EPHA4: variants seen among roughly 807,000 people sequenced by gnomAD.
EPHA4 encodes EPH receptor A4, also known as ephrin type-A receptor 4.
EPHA4 carries 19 observed loss-of-function variants against 108.3 expected under a neutral mutation model. The ratio of observed to expected loss-of-function variants is 0.18; its 90% CI spans 0.12 to 0.26. The LOEUF (loss-of-function observed/expected upper bound fraction) is 0.26, where lower values mean the gene tolerates loss of function less well. EPHA4 is among the 10% of genes least tolerant of loss of function. The pLI, the probability that EPHA4 is intolerant of heterozygous loss-of-function variation, is 1.00. For missense variants in EPHA4, 917 were observed against 1,254.0 expected (o/e 0.73, Z 4.06); for synonymous variants, 449 against 455.5 (o/e 0.99, Z 0.18).
At chr2:221,434,120 A>G in intron 14 of EPHA4, 22 bp downstream of exon 14, 1 of 1,599,098 alleles carries the variant, frequency 6.3e-7, no homozygotes, top group Non-Finnish European at 8.5e-7. Context: ...GAAAAAATAT[A>G]TTTCAGAACA....
chr2:221,571,111 T>C lies in EPHA4; in HGVS notation c.91+1047A>G, dbSNP rs1694821947. Among the ~76,000 whole-genome samples, 1 of 151,894 alleles carries C rather than the reference T, an allele frequency of 6.6e-6. No homozygotes were observed. On this transcript the variant is annotated intron_variant, in intron 1 of 17. Coordinates refer to ENST00000281821, the MANE Select transcript of EPHA4 (RefSeq NM_004438.5). The surrounding 1 kb of genome is among the most constrained non-coding windows in gnomAD (Gnocchi z 6.3). ...CTCCGCGTCCGCTTCCACGCAGGCA[T>C]TCGCGCACCTACATACACGCAGTTG...
At chr2:221,554,106 A>C (rs1226323431) in intron 3 of EPHA4, among the ~76,000 whole-genome samples, 1 of 152,210 alleles carries the variant, frequency 6.6e-6, no homozygotes, top group Non-Finnish European at 1.5e-5. Context: ...GAGAAACAAG[A>C]GCCAGATAAG....
intron 5 of EPHA4, among the ~76,000 whole-genome samples, chr2:221,468,516 G>A (rs554559782): frequency 1.3e-5 from 2 of 152,192 alleles, no homozygotes; most frequent in South Asian, 2.1e-4. Flanking sequence ...GCTGCTAATC[G>A]TCCTGCTGTG....
intron 3 of EPHA4, chr2:221,532,583 C>T (rs1244794502): frequency 1.3e-5 from 2 of 152,208 alleles, no homozygotes; most frequent in African/African-American, 2.4e-5. Flanking sequence ...TTAGTTCCTA[C>T]TTAAGGAACC....
chr2:221,490,052 G>C (rs1692094547), intron 4 of EPHA4, among the ~76,000 whole-genome samples: 1 of 151,480 alleles, frequency 6.6e-6, no homozygotes, highest in African/African-American at 2.4e-5. Context: ...AAGCTGAGGT[G>C]GGAGGATTGC....
chr2:221,473,855 C>T (rs911205088), intron 5 of EPHA4, among the ~76,000 whole-genome samples: 6 of 152,004 alleles, frequency 3.9e-5, no homozygotes, highest in African/African-American at 1.5e-4. Flanking sequence ...GGTTAGTGTT[C>T]GATGGAACAA....
At chr2:221,506,849 AT>A (rs1157773358) in intron 3 of EPHA4, among the ~76,000 whole-genome samples, 2 of 152,204 alleles carry the variant, frequency 1.3e-5, no homozygotes, top group Non-Finnish European at 2.9e-5. Context: ...AATTTTTACA[AT>A]TATTTTTTTA....
At chr2:221,473,588 T>C (rs1414800731) in intron 5 of EPHA4, among the ~76,000 whole-genome samples, 3 of 141,820 alleles carry the variant, frequency 2.1e-5, no homozygotes, top group Non-Finnish European at 4.6e-5. Flanking sequence ...TTTAAAGACA[T>C]CAGCAGGGGG....
chr2:221,539,461 G>C (rs896247794), intron 3 of EPHA4, among the ~76,000 whole-genome samples: 1 of 152,040 alleles, frequency 6.6e-6, no homozygotes, highest in Non-Finnish European at 1.5e-5. Flanking sequence ...GGAGAGAGAA[G>C]AAAAAAATGA....
chr2:221,484,378 G>T (rs1468261180), intron 4 of EPHA4, among the ~76,000 whole-genome samples: 1 of 152,062 alleles, frequency 6.6e-6, no homozygotes, highest in Non-Finnish European at 1.5e-5. Flanking sequence ...AGGTAAGCAG[G>T]ACTTCCCAAA....
chr2:221,525,832 G>C (rs940968552), intron 3 of EPHA4, among the ~76,000 whole-genome samples: 1 of 152,004 alleles, frequency 6.6e-6, no homozygotes, highest in African/African-American at 2.4e-5. Context: ...GATAGGAAAG[G>C]GTCTACCAAG....
chr2:221,570,314 C>T (rs1263540576), intron 1 of EPHA4, among the ~76,000 whole-genome samples: 2 of 32,976 alleles, frequency 6.1e-5, no homozygotes, highest in African/African-American at 2.6e-4. Context: ...CCAAGTTTTT[C>T]TCCCCCCCCC....
chr2:221,545,611 A>C (rs2680856), intron 3 of EPHA4, among the ~76,000 whole-genome samples: 90,019 of 152,068 alleles, frequency 0.59, 27,440 homozygotes, highest in African/African-American at 0.75. Flanking sequence ...CCTACCCCTT[A>C]AAAATTACCT....
intron 4 of EPHA4, among the ~76,000 whole-genome samples, chr2:221,494,850 C>A (rs1692256454): frequency 6.6e-6 from 1 of 151,844 alleles, no homozygotes; most frequent in Non-Finnish European, 1.5e-5. Flanking sequence ...AAGAGCTAGT[C>A]ATTCGTAGAG....
Position 221,437,140 on chromosome 2 carries a change from A to G in EPHA4, c.2075-18T>C. The G allele has an allele frequency of 6.3e-7, 1 of 1,594,692 alleles. No homozygotes were observed. The highest frequency in any genetic ancestry group is 1.1e-5 in the South Asian group (1 of 90,456). ...TGGTTTACCTAGAGTTTTCAGAAAG[A>G]AAAACACAAACCTTTGATGAGCGCT... On this transcript the variant is annotated intron_variant, in intron 11 of 17. Transcript: ENST00000281821.
intron 3 of EPHA4, among the ~76,000 whole-genome samples, chr2:221,554,020 T>C (rs1694235738): frequency 6.6e-6 from 1 of 152,196 alleles, no homozygotes; most frequent in Admixed American, 6.5e-5. Context: ...TTTTGAGCAA[T>C]TTGAGATCTG....
At chr2:221,435,816 T>A (rs1001793644) in intron 13 of EPHA4, among the ~76,000 whole-genome samples, 13 of 152,072 alleles carry the variant, frequency 8.5e-5, no homozygotes, top group Admixed American at 2.0e-4. Context: ...GTTTTATAAA[T>A]CCTGTATATA....
At position 221,568,614 on chromosome 2, in the gene EPHA4, G is replaced by A. The variant is rs527727782; in HGVS notation, c.159+104C>T. ...ACTTCATAGGCCACAGCGGAAATCT[G>A]ACCCCCTCACCACAATCAACAAGAA... On this transcript the variant is annotated intron_variant, in intron 2 of 17. Transcript: ENST00000281821. The A allele has an allele frequency of 4.8e-4, 413 of 853,432 alleles. 6 individuals carry two copies. The South Asian group carries it at 7.1e-3, about 15-fold the overall frequency. The allele number at this position is 853,432 out of a possible 1,614,324, so 52.9% of individuals were successfully genotyped here.
intron 3 of EPHA4, among the ~76,000 whole-genome samples, chr2:221,560,559 CCTT>C (rs1471268537): frequency 6.6e-6 from 1 of 152,084 alleles, no homozygotes; most frequent in Non-Finnish European, 1.5e-5. Flanking sequence ...GATGGATTTT[CCTT>C]CTACTATTTC....
Sources: allele counts gnomAD v4.1 joint callset (sites outside exome capture counted in the v4.1 genomes callset), GRCh38; gene constraint gnomAD v4.1.1; non-coding constraint Gnocchi (gnomAD v3.1); transcripts MANE v1.5; gene names NCBI Gene and HGNC (gene_info 2026-07-23, HGNC 2026-07-21).